The following SPINK4 variants were observed in gnomAD, a reference collection of about 807,000 sequenced individuals.
SPINK4 encodes the protein serine protease inhibitor Kazal-type 4.
Under a neutral mutation model 12.3 loss-of-function variants are expected in SPINK4, and 10 were observed. That is an observed-to-expected ratio of 0.81 (90% CI 0.50 to 1.37). The LOEUF (loss-of-function observed/expected upper bound fraction) is 1.37. Among genes scored for constraint, SPINK4 ranks in the 40% most tolerant of loss-of-function variants. The pLI is 0.00. For synonymous variants in SPINK4, 37 were observed against 40.2 expected (o/e 0.92, Z 0.30); for missense variants, 91 against 109.0 (o/e 0.84, Z 0.73).
At chr9:33,246,463 C>T (rs1323622358) in intron 2 of SPINK4, among the ~76,000 whole-genome samples, 153 bp from the exon 3 acceptor site, 1 of 152,176 alleles carries the variant, frequency 6.6e-6, no homozygotes, top group East Asian at 1.9e-4. Context: ...CCAAGGGGCT[C>T]TGAGTGGTTG....
chr9:33,246,730 T>C lies in SPINK4; in HGVS notation c.215+2T>C. 3 of 1,613,714 alleles carry C rather than the reference T, an allele frequency of 1.9e-6. No individual in the cohort carries two copies. The South Asian group carries it at 3.3e-5, about 18-fold the overall frequency. ...ATGCCAGCTCTGCTTGGCCCGGATG[T>C]AAGTCTGCCCCACAACCCCTGCTTG... On this transcript the variant is annotated splice_donor_variant, in intron 3 of 3. Transcript: ENST00000379721. LOFTEE classifies it high-confidence loss of function.
In SPINK4 at chr9:33,246,651, T is replaced by C; in HGVS notation, c.138T>C (p.Cys46=). ...ICEHMVESPT[C]SQMSNLVCGT... is the part of the protein sequence containing the mutation. Reference sequence around the variant, plus strand: ...AACACATGGTAGAGTCTCCAACCTGTTCCCAGATGTCCAACCTGGTCTGCG... The same window carrying C: ...AACACATGGTAGAGTCTCCAACCTGCTCCCAGATGTCCAACCTGGTCTGCG... Residue 46 remains cysteine (C), a synonymous_variant, in exon 3 of 4, where the codon TGT becomes TGC. Coordinates refer to ENST00000379721, the MANE Select transcript of SPINK4 (RefSeq NM_014471.3). 1.2e-6 allele frequency: 2 copies of C among 1,613,996 alleles called. No individual in the cohort carries two copies. The highest frequency in any genetic ancestry group is 1.7e-6 in the Non-Finnish European group (2 of 1,179,974).
chr9:33,248,344 C>T, intron 3 of SPINK4, 82 bp from the exon 4 acceptor site: 1 of 1,468,068 alleles, frequency 6.8e-7, no homozygotes, highest in South Asian at 1.2e-5. Flanking sequence ...AGCAGGATGT[C>T]TGGATGGACT....
At chr9:33,240,794 C>T (rs1208850573) in intron 1 of SPINK4, among the ~76,000 whole-genome samples, 2 of 152,206 alleles carry the variant, frequency 1.3e-5, no homozygotes, top group East Asian at 3.8e-4. Context: ...CTCTCAGGAT[C>T]TGGGCCATCC....
chr9:33,240,714 G>T (rs1820225316), intron 1 of SPINK4, among the ~76,000 whole-genome samples: 1 of 152,174 alleles, frequency 6.6e-6, no homozygotes, highest in African/African-American at 2.4e-5. Flanking sequence ...TGTGGTTTGG[G>T]ACTTGGGCAG....
In SPINK4 at chr9:33,248,532, G is replaced by A; in HGVS notation, c.*61G>A. ...TGGAGAACAGTGGTGGGCATGGAGA[G>A]GATATGACATGAAATAAAAGATCCA... On this transcript the variant is annotated 3_prime_UTR_variant, in exon 4 of 4. Transcript: ENST00000379721. 1.3e-6 allele frequency: 2 copies of A among 1,592,190 alleles called. No homozygotes were observed. The highest frequency in any genetic ancestry group is 2.2e-5 in the South Asian group (2 of 90,034).
chr9:33,240,198 C>G lies in SPINK4; in HGVS notation c.-11C>G, dbSNP rs978016624. The G allele has an allele frequency of 3.1e-6, 5 of 1,601,808 alleles. No individual in the cohort carries two copies. The highest frequency in any genetic ancestry group is 2.3e-5 in the East Asian group (1 of 43,706). On this transcript the variant is annotated 5_prime_UTR_variant, in exon 1 of 4. Transcript: ENST00000379721. ...CCCAGCCAGCTCAGGCTACACTATC[C>G]CAGGATCAGCATGGCCGTCCGCCAG...
intron 3 of SPINK4, 190 bp from the exon 4 acceptor site, chr9:33,248,236 G>C: frequency 1.7e-6 from 1 of 597,136 alleles, no homozygotes; most frequent in East Asian, 2.8e-5. Context: ...AATCCCCCAG[G>C]GGAAGGGTGT....
In SPINK4 at chr9:33,240,246, C is replaced by T. The variant is rs1307591662; in HGVS notation, c.38C>T (p.Ala13Val). The change falls in exon 1 of 4, where the codon GCT (alanine) becomes GTT (valine). Residue 13 changes from alanine (A) to valine (V), a missense_variant. Coordinates refer to ENST00000379721, the MANE Select transcript of SPINK4 (RefSeq NM_014471.3). Reference sequence around the variant, plus strand: ...CAGTGGGTAATCGCCCTGGCCTTGGCTGCCCTCCTTGTTGTGGACAGGGGT... The same window carrying T: ...CAGTGGGTAATCGCCCTGGCCTTGGTTGCCCTCCTTGTTGTGGACAGGGGT... ...VRQWVIALAL[A>V]ALLVVDREVP... 5 of 1,605,294 alleles carry T rather than the reference C, an allele frequency of 3.1e-6. No homozygotes were observed. In the African/African-American group the frequency reaches 6.7e-5, roughly 22 times the overall value.
chr9:33,248,449 T>A lies in SPINK4; in HGVS notation c.239T>A (p.Ile80Asn). ...AGAAAAACCAAACAGGACATCCAGA[T>A]CATGAAAGATGGCAAATGCTGATCC... ...ARIKTKQDIQ[I>N]MKDGKC Residue 80 changes from isoleucine (I) to asparagine (N), a missense_variant, in exon 4 of 4, where the codon ATC becomes AAC. Ile to Asn is a moderately radical substitution (Grantham distance 149). Coordinates refer to ENST00000379721, the MANE Select transcript of SPINK4 (RefSeq NM_014471.3). 1 of 1,613,994 alleles carries A rather than the reference T, an allele frequency of 6.2e-7. No homozygotes were observed. The highest frequency in any genetic ancestry group is 8.5e-7 in the Non-Finnish European group (1 of 1,180,008).
intron 1 of SPINK4, among the ~76,000 whole-genome samples, chr9:33,240,666 G>A (rs1820224827): frequency 6.6e-6 from 1 of 152,182 alleles, no homozygotes; most frequent in South Asian, 2.1e-4. Context: ...AGAGAGACCT[G>A]GCCGAGGTCT....
chr9:33,246,371 T>A (rs1326925427), intron 2 of SPINK4, among the ~76,000 whole-genome samples: 1 of 151,950 alleles, frequency 6.6e-6, no homozygotes, highest in Admixed American at 6.6e-5. Flanking sequence ...CACCGGGGGC[T>A]CCAGAGACAC....
rs1480281278 is a variant in SPINK4 at position 33,248,073 on chromosome 9, C to G, written c.216-353C>G. On this transcript the variant is annotated intron_variant, in intron 3 of 3. Transcript: ENST00000379721. ...GGTGGTTTGGGGGTCTGTACCAGTT[C>G]TGTGGGGGGCAGTGATGTTTGTGGA... The G allele has an allele frequency of 6.2e-5, 16 of 256,330 alleles. No individual in the cohort carries two copies. The East Asian group carries it at 1.3e-3, about 20-fold the overall frequency. The allele number at this position is 256,330 out of a possible 1,614,324, so 15.9% of individuals were successfully genotyped here. A position where few individuals can be genotyped will look rare whatever the true frequency, so the allele number is the denominator to read the frequency against.
At chr9:33,243,768 A>G (rs1820261401) in intron 1 of SPINK4, among the ~76,000 whole-genome samples, 1 of 152,102 alleles carries the variant, frequency 6.6e-6, no homozygotes, top group African/African-American at 2.4e-5. Context: ...TGATACCCCA[A>G]TGCCAGGCTT....
At chr9:33,241,130 T>G (rs1249190816) in intron 1 of SPINK4, among the ~76,000 whole-genome samples, 1 of 140,296 alleles carries the variant, frequency 7.1e-6, no homozygotes, top group African/African-American at 2.9e-5. Context: ...GGGAGAAGAT[T>G]CCAGGCAGAG....
rs1378159851 is a variant in SPINK4 at position 33,246,615 on chromosome 9, G to A, written c.103-1G>A. On this transcript the variant is annotated splice_acceptor_variant, in intron 2 of 3. Transcript: ENST00000379721. LOFTEE classifies it high-confidence loss of function. ...TCCTCTCCCTCCCTTCTCTTCCACA[G>A]CCCATCTGTGAACACATGGTAGAGT... 2 of 1,612,430 alleles carry A rather than the reference G, an allele frequency of 1.2e-6. No homozygotes were observed. Among genetic ancestry groups the A allele is most frequent in the Non-Finnish European group, 8.5e-7 (1 of 1,178,778 alleles).
chr9:33,245,320 G>A (rs1820274750), intron 2 of SPINK4, among the ~76,000 whole-genome samples, 168 bp downstream of exon 2: 1 of 152,176 alleles, frequency 6.6e-6, no homozygotes, highest in Admixed American at 6.5e-5. Context: ...TAGCCCCCAA[G>A]GCTGAGTAGG....
intron 3 of SPINK4, 63 bp downstream of exon 3, chr9:33,246,791 A>G: frequency 6.8e-7 from 1 of 1,463,126 alleles, no homozygotes; most frequent in Non-Finnish European, 9.6e-7. Flanking sequence ...ACAGTCTGAA[A>G]GGAGCAAGAC....
At chr9:33,248,048 G>C (rs914426977) in intron 3 of SPINK4, 2 of 200,652 alleles carry the variant, frequency 1.0e-5, no homozygotes, top group African/African-American at 4.6e-5. Context: ...GGCTGAGATG[G>C]GTGGTTTGGG....
Sources: allele counts gnomAD v4.1 joint callset (sites outside exome capture counted in the v4.1 genomes callset), GRCh38; gene constraint gnomAD v4.1.1; transcripts MANE v1.5; gene names NCBI Gene and HGNC (gene_info 2026-07-23, HGNC 2026-07-21).